The following CSMD1 variants were observed in gnomAD, a reference collection of about 807,000 sequenced individuals.
The protein encoded by CSMD1 is CUB and Sushi multiple domains 1.
CSMD1 carries 213 observed loss-of-function variants against 417.5 expected under a neutral mutation model. The observed-to-expected ratio is 0.51, with a 90% CI of 0.46 to 0.57. CSMD1 has a LOEUF of 0.57. Among genes scored for constraint, CSMD1 ranks in the 20% least tolerant of loss-of-function variants. CSMD1 has a pLI of 0.00. For synonymous variants in CSMD1, 2,862 were observed against 1,736.8 expected, an observed-to-expected ratio of 1.65 and a Z score of -16.11; for missense variants, 6,923 against 4,529.7, an observed-to-expected ratio of 1.53 and a Z score of -15.17.
At chr8:3,871,620 G>C (rs1805488008) in intron 5 of CSMD1, among the ~76,000 whole-genome samples, 1 of 151,966 alleles carries the variant, frequency 6.6e-6, no homozygotes, top group Non-Finnish European at 1.5e-5. Flanking sequence ...AGATTATACA[G>C]GATATATTTT....
chr8:3,496,405 A>T (rs1413117298), intron 10 of CSMD1, among the ~76,000 whole-genome samples: 1 of 152,048 alleles, frequency 6.6e-6, no homozygotes, highest in Non-Finnish European at 1.5e-5. Flanking sequence ...ACTGGCCTCA[A>T]CCTACAAGAA....
intron 2 of CSMD1, among the ~76,000 whole-genome samples, chr8:4,581,969 G>GGAA (rs1799440478): frequency 6.6e-6 from 1 of 152,186 alleles, no homozygotes; most frequent in Non-Finnish European, 1.5e-5. Flanking sequence ...AGCATTTGAT[G>GGAA]GAAGACAAAC....
chr8:4,471,702 C>T (rs1356758708), intron 2 of CSMD1, among the ~76,000 whole-genome samples: 1 of 151,800 alleles, frequency 6.6e-6, no homozygotes, highest in East Asian at 1.9e-4. Context: ...AGAACACGAC[C>T]CATCTTCAAA....
intron 1 of CSMD1, among the ~76,000 whole-genome samples, chr8:4,694,219 G>C (rs1806965929): frequency 6.6e-6 from 1 of 152,144 alleles, no homozygotes; most frequent in Non-Finnish European, 1.5e-5. Context: ...TGCTTCCTTT[G>C]AAAAGACTAA....
At chr8:4,368,448 C>T (rs751777715) in intron 3 of CSMD1, among the ~76,000 whole-genome samples, 1 of 152,156 alleles carries the variant, frequency 6.6e-6, no homozygotes, top group Non-Finnish European at 1.5e-5. Context: ...TGTTGTGTCT[C>T]TACCAGGGTT....
At chr8:4,160,224 T>C (rs771820091) in intron 3 of CSMD1, among the ~76,000 whole-genome samples, 8 of 152,206 alleles carry the variant, frequency 5.3e-5, no homozygotes, top group Non-Finnish European at 4.4e-5. Context: ...TGGCTAATTG[T>C]TCTTTCTAAA....
intron 3 of CSMD1, among the ~76,000 whole-genome samples, chr8:4,149,520 C>G (rs1796455389): frequency 6.6e-6 from 1 of 152,150 alleles, no homozygotes; most frequent in African/African-American, 2.4e-5. Flanking sequence ...ACTCAGGGAA[C>G]TACCATTTCA....
At chr8:4,479,894 A>C (rs1800995153) in intron 2 of CSMD1, among the ~76,000 whole-genome samples, 1 of 151,340 alleles carries the variant, frequency 6.6e-6, no homozygotes, top group African/African-American at 2.4e-5. Flanking sequence ...TGAACCTGGG[A>C]GGCAGAGGTT....
chr8:3,726,454 A>G (rs907256768), intron 6 of CSMD1, among the ~76,000 whole-genome samples: 2 of 152,222 alleles, frequency 1.3e-5, no homozygotes, highest in Non-Finnish European at 2.9e-5. Flanking sequence ...GTCAGCAGGT[A>G]TTGAATGTGT....
At chr8:4,260,223 T>G (rs1011552984) in intron 3 of CSMD1, among the ~76,000 whole-genome samples, 4 of 152,218 alleles carry the variant, frequency 2.6e-5, no homozygotes, top group African/African-American at 9.7e-5. Flanking sequence ...GGGTGAACAC[T>G]ACCTCTTTGC....
At chr8:3,918,779 G>A (rs767504463) in intron 5 of CSMD1, among the ~76,000 whole-genome samples, 1 of 152,086 alleles carries the variant, frequency 6.6e-6, no homozygotes, top group Non-Finnish European at 1.5e-5. Flanking sequence ...CTCAGCAATG[G>A]AAAACCAAAC....
intron 22 of CSMD1, among the ~76,000 whole-genome samples, chr8:3,346,065 C>G (rs984073583): frequency 5.3e-5 from 8 of 152,156 alleles, no homozygotes; most frequent in African/African-American, 1.9e-4. Flanking sequence ...CAGCATTAGG[C>G]TTGAAAATTA....
At chr8:3,189,148 G>A (rs1563126234) in intron 34 of CSMD1, 137 bp from the exon 35 acceptor site, 1 of 714,532 alleles carries the variant, frequency 1.4e-6, no homozygotes, top group Non-Finnish European at 2.1e-6. Context: ...GGCACTTTTA[G>A]CCAAGGTAAA....
intron 29 of CSMD1, among the ~76,000 whole-genome samples, chr8:3,216,399 C>A (rs1286186341): frequency 6.6e-6 from 1 of 152,028 alleles, no homozygotes; most frequent in Non-Finnish European, 1.5e-5. Context: ...CAATATTTTC[C>A]CCTATTGAAA....
chr8:4,152,006 A>C (rs1008402213), intron 3 of CSMD1, among the ~76,000 whole-genome samples: 2 of 152,112 alleles, frequency 1.3e-5, no homozygotes, highest in African/African-American at 4.8e-5. Context: ...GGGTCATTTT[A>C]ACGTAATCAA....
At position 3,714,562 on chromosome 8, in the gene CSMD1, A is replaced by C. The variant is rs1373848942; in HGVS notation, c.932-6071T>G. Reference sequence around the variant, plus strand: ...CATGGCGAAACCCCATCTCTATCCCAAAAAAAAAAAAAAAAAAAATTAGCC... The same window carrying C: ...CATGGCGAAACCCCATCTCTATCCCCAAAAAAAAAAAAAAAAAAATTAGCC... On this transcript the variant is annotated intron_variant, in intron 6 of 69. Coordinates refer to ENST00000635120, the MANE Select transcript of CSMD1 (RefSeq NM_033225.6). Among the ~76,000 whole-genome samples, 95 of 55,252 alleles carry C rather than the reference A, an allele frequency of 1.7e-3. 2 individuals are homozygous for C. Among genetic ancestry groups the C allele is most frequent in the African/African-American group, 5.0e-3 (79 of 15,664 alleles). 36.2% of individuals were successfully genotyped at this position (55,252 alleles called of 152,430 possible).
At chr8:4,598,742 A>G (rs1424225276) in intron 2 of CSMD1, among the ~76,000 whole-genome samples, 1 of 152,234 alleles carries the variant, frequency 6.6e-6, no homozygotes, top group African/African-American at 2.4e-5. Flanking sequence ...GTTTATGTTT[A>G]TTGAAGCAAA....
intron 1 of CSMD1, among the ~76,000 whole-genome samples, chr8:4,827,655 G>T (rs989793758): frequency 6.6e-6 from 1 of 152,060 alleles, no homozygotes; most frequent in East Asian, 1.9e-4. Flanking sequence ...CCAGCTTCTC[G>T]AAATGCTTAC....
intron 1 of CSMD1, among the ~76,000 whole-genome samples, chr8:4,774,549 T>G (rs1036290155): frequency 9.2e-5 from 14 of 152,222 alleles, no homozygotes; most frequent in African/African-American, 3.4e-4. Context: ...GGCAGACATA[T>G]AGACATTCTG....
Sources: gnomAD v4.1 joint callset for allele counts (sites outside exome capture counted in the v4.1 genomes callset) on GRCh38, gnomAD v4.1.1 for gene constraint, MANE v1.5 for transcripts, NCBI Gene and HGNC (gene_info 2026-07-23, HGNC 2026-07-21) for gene names.